Variants in TAF4B observed in about 807,000 individuals in gnomAD.
TAF4B encodes the protein transcription initiation factor TFIID subunit 4B.
A neutral mutation model predicts 86.4 loss-of-function variants in TAF4B; 38 were observed. That is an observed-to-expected ratio of 0.44 (90% confidence interval 0.34 to 0.58). The LOEUF is 0.58. Ranked by LOEUF, TAF4B falls within the 20% of genes least tolerant of loss-of-function variation. The probability of loss-of-function intolerance (pLI) is 0.02; values close to 1 mark genes in which losing one functional copy is unlikely to be tolerated. For synonymous variants in TAF4B, 388 were observed against 391.2 expected (o/e 0.99, Z 0.10); for missense variants, 988 against 1,027.6 (o/e 0.96, Z 0.53).
At chr18:26,331,706 A>T (rs1340538152) in intron 12 of TAF4B, among the ~76,000 whole-genome samples, 1 of 152,146 alleles carries the variant, frequency 6.6e-6, no homozygotes, top group Admixed American at 6.5e-5. Flanking sequence ...TCTTATTTCT[A>T]AAATGCACCC....
intron 13 of TAF4B, among the ~76,000 whole-genome samples, chr18:26,350,545 A>T (rs1038643454): frequency 3.9e-5 from 6 of 152,182 alleles, no homozygotes; most frequent in Non-Finnish European, 7.3e-5. Flanking sequence ...GTATGGTGGC[A>T]TAGGCCTGTA....
chr18:26,304,741 T>A, intron 9 of TAF4B: 1 of 985,480 alleles, frequency 1.0e-6, no homozygotes, highest in Non-Finnish European at 1.2e-6. Context: ...TGCTTATTGC[T>A]GATTTTTACT....
At chr18:26,352,626 C>T (rs1312947631) in intron 13 of TAF4B, among the ~76,000 whole-genome samples, 6 of 152,122 alleles carry the variant, frequency 3.9e-5, no homozygotes, top group Non-Finnish European at 8.8e-5. Flanking sequence ...GCCTCTTGGA[C>T]TCATGGGATC....
intron 9 of TAF4B, among the ~76,000 whole-genome samples, chr18:26,307,790 T>G (rs964882606): frequency 6.6e-6 from 1 of 152,162 alleles, no homozygotes; most frequent in Non-Finnish European, 1.5e-5. Context: ...TTAACTTTCA[T>G]CATATATAAT....
At chr18:26,232,852 G>A (rs904143263) in intron 1 of TAF4B, among the ~76,000 whole-genome samples, 2 of 152,176 alleles carry the variant, frequency 1.3e-5, no homozygotes, top group African/African-American at 4.8e-5. Context: ...AGAGTGTGTG[G>A]TAGTAGGATA....
At position 26,389,994 on chromosome 18, in the gene TAF4B, C is replaced by T. The variant is rs1567936378; in HGVS notation, c.2571C>T (p.Tyr857=). ...AGATGAAGTATTCTCGAGCTCTATA[C>T]CTGGCCCTTCTGAAGTGACCACTCC... ...EREMKYSRAL[Y]LALLK is the part of the protein sequence containing the mutation. The change falls in exon 15 of 15, where the codon TAC becomes TAT. Residue 857 remains tyrosine, a synonymous_variant. Coordinates refer to ENST00000269142, the MANE Select transcript of TAF4B (RefSeq NM_005640.3). 3.7e-6 allele frequency: 6 copies of T among 1,613,982 alleles called. No homozygotes were observed. The East Asian group carries it at 1.1e-4, about 30-fold the overall frequency.
intron 13 of TAF4B, among the ~76,000 whole-genome samples, chr18:26,350,407 T>A (rs2057235139): frequency 6.6e-6 from 1 of 152,174 alleles, no homozygotes. Flanking sequence ...TGTAATGGCT[T>A]ATGCCTATAC....
intron 1 of TAF4B, among the ~76,000 whole-genome samples, chr18:26,260,792 A>G (rs1295747890): frequency 6.6e-6 from 1 of 152,224 alleles, no homozygotes; most frequent in Non-Finnish European, 1.5e-5. Flanking sequence ...TTTAAAAATA[A>G]TATCTATCTC....
intron 14 of TAF4B, among the ~76,000 whole-genome samples, chr18:26,382,849 T>C (rs1209507803): frequency 6.6e-6 from 1 of 152,166 alleles, no homozygotes; most frequent in Non-Finnish European, 1.5e-5. Flanking sequence ...AGACGTATGA[T>C]GGTAGAGGGA....
At chr18:26,241,298 C>A (rs961877625) in intron 1 of TAF4B, among the ~76,000 whole-genome samples, 3 of 152,164 alleles carry the variant, frequency 2.0e-5, no homozygotes, top group Non-Finnish European at 4.4e-5. Flanking sequence ...CAACTTCTTC[C>A]TGGTTTAGTC....
intron 14 of TAF4B, among the ~76,000 whole-genome samples, chr18:26,378,799 AT>A (rs1161223484): frequency 2.0e-5 from 3 of 152,132 alleles, no homozygotes; most frequent in Non-Finnish European, 4.4e-5. Flanking sequence ...TGGGAACCAT[AT>A]GATAATGTAG....
intron 14 of TAF4B, among the ~76,000 whole-genome samples, chr18:26,385,734 A>G (rs746278362): frequency 4.9e-5 from 7 of 141,994 alleles, no homozygotes; most frequent in Non-Finnish European, 9.1e-5. Flanking sequence ...TGGGCCCTTA[A>G]CCACATTAGT....
At chr18:26,318,442 T>G (rs906039029) in intron 10 of TAF4B, among the ~76,000 whole-genome samples, 15 of 152,274 alleles carry the variant, frequency 9.9e-5, no homozygotes, top group Non-Finnish European at 2.2e-4. Context: ...AATTCCTTCC[T>G]TGTAGAATAG....
intron 13 of TAF4B, among the ~76,000 whole-genome samples, chr18:26,350,365 A>G (rs2057234851): frequency 1.3e-5 from 2 of 152,250 alleles, no homozygotes; most frequent in South Asian, 4.1e-4. Flanking sequence ...CAAAAAAATC[A>G]GTCTGATTAA....
intron 14 of TAF4B, among the ~76,000 whole-genome samples, chr18:26,361,706 C>G (rs2057332508): frequency 6.7e-6 from 1 of 148,356 alleles, no homozygotes; most frequent in Non-Finnish European, 1.5e-5. Flanking sequence ...GATCGCGCCA[C>G]TCCCCTCCAG....
chr18:26,340,332 T>C (rs1207849308), intron 13 of TAF4B, among the ~76,000 whole-genome samples: 1 of 152,226 alleles, frequency 6.6e-6, no homozygotes, highest in African/African-American at 2.4e-5. Flanking sequence ...TATTAAATTA[T>C]ATCAATTTGT....
chr18:26,267,477 T>C (rs747712531), intron 2 of TAF4B, 39 bp from the exon 3 acceptor site: 1 of 1,360,380 alleles, frequency 7.4e-7, no homozygotes, highest in East Asian at 2.3e-5. Context: ...TTACTAACGC[T>C]AATGACTTTG....
At chr18:26,247,566 T>TA in intron 1 of TAF4B, among the ~76,000 whole-genome samples, 1 of 152,102 alleles carries the variant, frequency 6.6e-6, no homozygotes, top group Non-Finnish European at 1.5e-5. Flanking sequence ...TGAGTATATT[T>TA]AAAAAATCTT....
intron 13 of TAF4B, among the ~76,000 whole-genome samples, chr18:26,347,968 G>A (rs914758323): frequency 2.6e-5 from 4 of 152,168 alleles, no homozygotes; most frequent in Non-Finnish European, 4.4e-5. Flanking sequence ...TACAGTAATA[G>A]TTGGAGACTT....
Sources: allele counts gnomAD v4.1 joint callset (sites outside exome capture counted in the v4.1 genomes callset), GRCh38; gene constraint gnomAD v4.1.1; transcripts MANE v1.5; gene names NCBI Gene and HGNC (gene_info 2026-07-23, HGNC 2026-07-21).